Variants in BRF1 observed in about 807,000 individuals in gnomAD.
The protein encoded by BRF1 is BRF1 general transcription factor IIIB subunit.
Under a neutral mutation model 81.7 loss-of-function variants are expected in BRF1, and 59 were observed. The observed-to-expected ratio is 0.72, with a 90% CI of 0.59 to 0.90. The LOEUF is 0.90. Among genes scored for constraint, BRF1 ranks in the 40% least tolerant of loss-of-function variants. BRF1 has a pLI of 0.00. For missense variants in BRF1, 1,050 were observed against 936.3 expected (o/e 1.12, Z -1.58); for synonymous variants, 491 against 395.6 (o/e 1.24, Z -2.86).
chr14:105,247,138 T>C (rs2055176556), intron 5 of BRF1: 2 of 985,492 alleles, frequency 2.0e-6, no homozygotes, highest in Non-Finnish European at 2.4e-6. Context: ...TCTTTGCCAG[T>C]GGGGTCCCAC....
At chr14:105,263,347 G>A (rs2056247629) in intron 3 of BRF1, among the ~76,000 whole-genome samples, 1 of 152,044 alleles carries the variant, frequency 6.6e-6, no homozygotes, top group Non-Finnish European at 1.5e-5. Flanking sequence ...GAGGGGCCAA[G>A]CTGCCAAGAG....
Position 105,217,489 on chromosome 14 carries a change from C to T in BRF1, c.1772+55G>A. 4.4e-6 allele frequency: 7 copies of T among 1,584,836 alleles called. No homozygotes were observed. The South Asian group carries it at 6.7e-5, about 15-fold the overall frequency. On this transcript the variant is annotated intron_variant, in intron 15 of 17. Coordinates refer to ENST00000547530, the MANE Select transcript of BRF1 (RefSeq NM_001519.4). ...CAGCTCCAGGACCCGAAGCCATGGG[C>T]CTCTGCCCGCCCTGGGCTGCTGCCC...
intron 10 of BRF1, among the ~76,000 whole-genome samples, chr14:105,225,137 T>G (rs2816644): frequency 6.6e-6 from 1 of 152,080 alleles, no homozygotes; most frequent in Non-Finnish European, 1.5e-5. Context: ...CCAAAAGTAC[T>G]TCCAGAGTTC....
chr14:105,221,435 G>A (rs962415191), intron 11 of BRF1, among the ~76,000 whole-genome samples: 3 of 152,170 alleles, frequency 2.0e-5, no homozygotes, highest in African/African-American at 7.2e-5. Context: ...ACTGCATTCT[G>A]GCGTCGGCAC....
chr14:105,242,773 T>C (rs1595356959), intron 5 of BRF1, among the ~76,000 whole-genome samples: 1 of 147,352 alleles, frequency 6.8e-6, no homozygotes, highest in Non-Finnish European at 1.5e-5. Context: ...AAGATACGCT[T>C]ATAGACTGGG....
intron 3 of BRF1, among the ~76,000 whole-genome samples, chr14:105,263,281 G>A (rs954246476): frequency 6.7e-6 from 1 of 149,764 alleles, no homozygotes; most frequent in Admixed American, 6.7e-5. Context: ...TCACAGTCTC[G>A]CTTGGCAAGG....
At chr14:105,215,226 C>T (rs1465736846) in intron 15 of BRF1, among the ~76,000 whole-genome samples, 13 of 151,524 alleles carry the variant, frequency 8.6e-5, no homozygotes, top group Admixed American at 8.5e-4. Flanking sequence ...ACACACACGC[C>T]CCACGCACAC....
rs1008030063 is a variant in BRF1, at chr14:105,284,588, G to A, written c.265+1708C>T. ...TAAGGCTGCAGGACATGGCTGCACC[G>A]ATCACAAGAATCCCTCACGTGGTCC... On this transcript the variant is annotated intron_variant, in intron 2 of 17. Coordinates refer to ENST00000547530, the MANE Select transcript of BRF1 (RefSeq NM_001519.4). The surrounding 1 kb of genome is among the most constrained non-coding windows in gnomAD (Gnocchi z 4.0). Among the ~76,000 whole-genome samples the A allele has an allele frequency of 2.6e-5, 4 of 152,170 alleles. No homozygotes were observed. The highest frequency in any genetic ancestry group is 5.9e-5 in the Non-Finnish European group (4 of 68,032).
At position 105,222,155 on chromosome 14, in the gene BRF1, G is replaced by A. The variant is rs770195871; in HGVS notation, c.1049-241C>T. On this transcript the variant is annotated intron_variant, in intron 10 of 17. Coordinates refer to ENST00000547530, the MANE Select transcript of BRF1 (RefSeq NM_001519.4). Reference sequence around the variant, plus strand: ...AAGTACAGACATTTCAGACAAAAACGTAAAAGAAAAACTTTGTGACCTTGG... The same window carrying A: ...AAGTACAGACATTTCAGACAAAAACATAAAAGAAAAACTTTGTGACCTTGG... 17 of 460,702 alleles carry A rather than the reference G, an allele frequency of 3.7e-5. No homozygotes were observed. The South Asian group carries it at 3.7e-4, about 10-fold the overall frequency. The allele number at this position is 460,702 out of a possible 1,614,324, so 28.5% of individuals were successfully genotyped here.
At position 105,271,518 on chromosome 14, in the gene BRF1, C is replaced by G. The variant is rs930744579; in HGVS notation, c.439+1203G>C. Among the ~76,000 whole-genome samples the G allele has an allele frequency of 6.6e-6, 1 of 152,148 alleles. No individual in the cohort carries two copies. Among genetic ancestry groups the G allele is most frequent in the Non-Finnish European group, 1.5e-5 (1 of 68,028 alleles). On this transcript the variant is annotated intron_variant, in intron 3 of 17. Transcript: ENST00000547530. The surrounding 1 kb of genome is among the most constrained non-coding windows in gnomAD (Gnocchi z 5.5). ...GGACCACCTTCAGAGGGGCGCAGCTCGGAAAAGGTCCCTCTCCCAGGGAGC... is the reference window on the plus strand; with the variant it reads ...GGACCACCTTCAGAGGGGCGCAGCTGGGAAAAGGTCCCTCTCCCAGGGAGC...
At chr14:105,216,194 C>T (rs918890244) in intron 15 of BRF1, among the ~76,000 whole-genome samples, 53 of 152,334 alleles carry the variant, frequency 3.5e-4, no homozygotes, top group African/African-American at 1.3e-3. Flanking sequence ...CACACCCGGG[C>T]CCTGTCTGGG....
rs780339624 is a variant in BRF1 at position 105,219,034 on chromosome 14, C to A, written c.1479G>T (p.Ala493=). ...TGTAGATGCCGAGCTCCTTCTCTTT[C>A]GCTATTCTTGCTTCTTTTTCTAAAA... is the stretch of plus-strand genomic sequence containing the variant. ...REQREKEARI[A]KEKELGIYKE... The change falls in exon 14 of 18, where the codon GCG becomes GCT. Residue 493 remains alanine, a synonymous_variant. Coordinates refer to ENST00000547530, the MANE Select transcript of BRF1 (RefSeq NM_001519.4). 1.2e-6 allele frequency: 2 copies of A among 1,613,878 alleles called. No homozygotes were observed. The highest frequency in any genetic ancestry group is 1.7e-5 in the Admixed American group (1 of 60,020).
intron 14 of BRF1, 123 bp from the exon 15 acceptor site, chr14:105,217,923 G>A (rs995474649): frequency 2.7e-5 from 38 of 1,419,560 alleles, no homozygotes; most frequent in Non-Finnish European, 3.2e-5. Flanking sequence ...CAGAAGGGCC[G>A]CTCCTGCCTC....
At chr14:105,242,657 C>T (rs372444801) in intron 5 of BRF1, 28 of 141,854 alleles carry the variant, frequency 2.0e-4, no homozygotes, top group African/African-American at 6.3e-4. Context: ...ATTGCTTGAA[C>T]CAGGGAGGTG....
intron 1 of BRF1, among the ~76,000 whole-genome samples, chr14:105,307,505 G>T (rs587652689): frequency 2.6e-4 from 39 of 152,142 alleles, no homozygotes; most frequent in African/African-American, 9.2e-4. Context: ...CCCTCCTCCT[G>T]GGAACTGTGA....
rs2055206664 is a variant in BRF1 at position 105,247,601 on chromosome 14, CT to C, written c.544+4905del. On this transcript the variant is annotated intron_variant, in intron 5 of 17. Transcript: ENST00000547530. ...CTGTAACGACCACAGAGACACAGAG[CT>C]CCTGTTCACTGTTTAGCCCAGGACT... The C allele has an allele frequency of 3.0e-6, 3 of 985,366 alleles. No homozygotes were observed. The South Asian group carries it at 1.4e-4, about 46-fold the overall frequency. The allele number at this position is 985,366 out of a possible 1,614,324, so 61.0% of individuals were successfully genotyped here. A position where few individuals can be genotyped will look rare whatever the true frequency, so the allele number is the denominator to read the frequency against.
At chr14:105,294,508 G>A (rs1288948506) in intron 1 of BRF1, among the ~76,000 whole-genome samples, 1 of 152,200 alleles carries the variant, frequency 6.6e-6, no homozygotes, top group African/African-American at 2.4e-5. Flanking sequence ...TTTCATTACT[G>A]TTGTTATCAT....
intron 1 of BRF1, among the ~76,000 whole-genome samples, chr14:105,308,599 C>G (rs893763814): frequency 6.6e-6 from 1 of 151,152 alleles, no homozygotes; most frequent in Non-Finnish European, 1.5e-5. Context: ...TCTCCTGCCT[C>G]AGCCTTCTGA....
chr14:105,311,371 A>G (rs1432309648), intron 1 of BRF1, among the ~76,000 whole-genome samples: 1 of 152,088 alleles, frequency 6.6e-6, no homozygotes, highest in Non-Finnish European at 1.5e-5. Flanking sequence ...CTCCCACCTC[A>G]GCTTCCCAAG....
Sources: allele counts gnomAD v4.1 joint callset (sites outside exome capture counted in the v4.1 genomes callset), GRCh38; gene constraint gnomAD v4.1.1; non-coding constraint Gnocchi (gnomAD v3.1); transcripts MANE v1.5; gene names NCBI Gene and HGNC (gene_info 2026-07-23, HGNC 2026-07-21).